The following SYT1 variants were observed in gnomAD, a reference collection of about 807,000 sequenced individuals.
SYT1 encodes synaptotagmin 1, also known as synaptotagmin-1.
SYT1 carries 8 observed loss-of-function variants against 44.8 expected under a neutral mutation model. That is an observed-to-expected ratio of 0.18 (90% CI 0.10 to 0.32). The LOEUF (loss-of-function observed/expected upper bound fraction) is 0.32, where lower values mean the gene tolerates loss of function less well. Among genes scored for constraint, SYT1 ranks in the 10% least tolerant of loss-of-function variants. The probability of loss-of-function intolerance (pLI) is 1.00; values close to 1 mark genes in which losing one functional copy is unlikely to be tolerated. For synonymous variants in SYT1, 154 were observed against 188.8 expected (o/e 0.82, Z 1.51); for missense variants, 286 against 509.3 (o/e 0.56, Z 4.22).
chr12:79,054,967 AT>A (rs1874823143), intron 3 of SYT1, among the ~76,000 whole-genome samples: 2 of 152,040 alleles, frequency 1.3e-5, no homozygotes, highest in African/African-American at 4.8e-5. Flanking sequence ...GATTTACAGT[AT>A]TTTTTGATAC....
chr12:79,274,486 C>T (rs1317161407), intron 4 of SYT1, among the ~76,000 whole-genome samples: 1 of 152,206 alleles, frequency 6.6e-6, no homozygotes, highest in Non-Finnish European at 1.5e-5. Context: ...GGTTCCACTC[C>T]TCTCTGGAAC....
intron 1 of SYT1, among the ~76,000 whole-genome samples, chr12:78,931,699 A>G (rs528202951): frequency 2.0e-5 from 3 of 152,242 alleles, no homozygotes; most frequent in South Asian, 2.1e-4. Flanking sequence ...ACCAGCTGCT[A>G]TTGTTCTGTG....
At chr12:79,220,887 G>A (rs1266771757) in intron 4 of SYT1, among the ~76,000 whole-genome samples, 1 of 152,164 alleles carries the variant, frequency 6.6e-6, no homozygotes, top group Non-Finnish European at 1.5e-5. Flanking sequence ...GTGCAGTTGA[G>A]AAGAATGTGT....
intron 8 of SYT1, 85 bp downstream of exon 8, chr12:79,299,636 T>C (rs1880037798): frequency 6.7e-7 from 1 of 1,499,178 alleles, no homozygotes; most frequent in East Asian, 2.3e-5. Context: ...AAATACTCTT[T>C]ACAAAGGGGG....
At chr12:79,260,180 T>G (rs970036476) in intron 4 of SYT1, among the ~76,000 whole-genome samples, 1 of 152,206 alleles carries the variant, frequency 6.6e-6, no homozygotes, top group Non-Finnish European at 1.5e-5. Context: ...AAAATTGTTT[T>G]TAAGATTCTG....
At chr12:78,976,527 G>T (rs1366323047) in intron 1 of SYT1, 27 of 152,138 alleles carry the variant, frequency 1.8e-4, no homozygotes, top group Non-Finnish European at 4.4e-5. Flanking sequence ...TTTAATAACT[G>T]CAGGGGAAAT....
intron 4 of SYT1, among the ~76,000 whole-genome samples, chr12:79,272,959 T>G (rs1424784439): frequency 6.6e-6 from 1 of 152,132 alleles, no homozygotes; most frequent in African/African-American, 2.4e-5. Flanking sequence ...GAATCCTGAG[T>G]ACAATGTTAG....
intron 8 of SYT1, among the ~76,000 whole-genome samples, chr12:79,311,159 G>A (rs984995760): frequency 1.1e-4 from 16 of 152,186 alleles, no homozygotes; most frequent in South Asian, 2.1e-4. Context: ...GTTTGTCATA[G>A]ATAGCTCTTA....
chr12:78,964,340 A>G (rs1879661636), intron 1 of SYT1, among the ~76,000 whole-genome samples: 1 of 152,148 alleles, frequency 6.6e-6, no homozygotes, highest in Non-Finnish European at 1.5e-5. Context: ...CCTTTCTTAT[A>G]TTTCATAATC....
intron 3 of SYT1, among the ~76,000 whole-genome samples, chr12:79,059,676 A>C (rs1432206325): frequency 6.6e-6 from 1 of 152,112 alleles, no homozygotes; most frequent in Non-Finnish European, 1.5e-5. Flanking sequence ...ATCAACAATT[A>C]TGAAAGTGGC....
intron 4 of SYT1, among the ~76,000 whole-genome samples, chr12:79,228,840 C>T (rs374130942): frequency 2.6e-5 from 4 of 152,176 alleles, no homozygotes; most frequent in African/African-American, 9.7e-5. Flanking sequence ...TTCCTGGATT[C>T]CCCTTCCCCA....
intron 4 of SYT1, among the ~76,000 whole-genome samples, chr12:79,262,050 T>G (rs1877858669): frequency 6.6e-6 from 1 of 152,204 alleles, no homozygotes. Flanking sequence ...TCCAATCTAT[T>G]CTGATATAGA....
intron 1 of SYT1, among the ~76,000 whole-genome samples, chr12:78,868,310 G>A (rs574789828): frequency 9.9e-5 from 15 of 151,984 alleles, no homozygotes; most frequent in Non-Finnish European, 1.9e-4. Flanking sequence ...TAGACTTTCT[G>A]CCATTGTGTA....
chr12:79,294,234 T>C (rs945405814), intron 6 of SYT1, among the ~76,000 whole-genome samples: 4 of 152,062 alleles, frequency 2.6e-5, no homozygotes, highest in African/African-American at 9.6e-5. Context: ...GAGAATTTTT[T>C]TACTAAAATA....
chr12:79,310,193 A>G (rs1880701652), intron 8 of SYT1, among the ~76,000 whole-genome samples: 1 of 152,016 alleles, frequency 6.6e-6, no homozygotes, highest in African/African-American at 2.4e-5. Flanking sequence ...TAATTTTTGT[A>G]TAAGGTGTAA....
intron 1 of SYT1, among the ~76,000 whole-genome samples, chr12:78,898,568 G>A (rs142639730): frequency 6.6e-6 from 1 of 152,158 alleles, no homozygotes; most frequent in African/African-American, 2.4e-5. Flanking sequence ...AATCCATCAA[G>A]AAACAAATGC....
chr12:78,973,939 ATATAT>A (rs1239282818), intron 1 of SYT1, among the ~76,000 whole-genome samples: 19 of 11,358 alleles, frequency 1.7e-3, no homozygotes, highest in East Asian at 7.9e-3. Flanking sequence ...AAAAAAAAAA[ATATAT>A]ATATATATAT....
At chr12:78,900,798 C>G (rs987961084) in intron 1 of SYT1, among the ~76,000 whole-genome samples, 2 of 151,980 alleles carry the variant, frequency 1.3e-5, no homozygotes, top group African/African-American at 4.8e-5. Flanking sequence ...AATAGCTGTT[C>G]TATACTTTTT....
chr12:78,964,627 T>G (rs1408619444), intron 1 of SYT1, among the ~76,000 whole-genome samples: 1 of 151,996 alleles, frequency 6.6e-6, no homozygotes, highest in Non-Finnish European at 1.5e-5. Flanking sequence ...CTCTAAAGTG[T>G]TATAAAACTG....
Sources: gnomAD v4.1 joint callset for allele counts (sites outside exome capture counted in the v4.1 genomes callset) on GRCh38, gnomAD v4.1.1 for gene constraint, MANE v1.5 for transcripts, NCBI Gene and HGNC (gene_info 2026-07-23, HGNC 2026-07-21) for gene names.